The following MYOCD variants were observed in gnomAD, a reference collection of about 807,000 sequenced individuals.
MYOCD encodes the protein myocardin.
MYOCD carries 32 observed loss-of-function variants against 96.1 expected under a neutral mutation model. The ratio of observed to expected loss-of-function variants is 0.33; its 90% CI spans 0.25 to 0.45. The LOEUF (loss-of-function observed/expected upper bound fraction) is 0.45. Ranked by LOEUF, MYOCD falls within the 20% of genes least tolerant of loss-of-function variation. The probability of loss-of-function intolerance (pLI) is 1.00; values close to 1 mark genes in which losing one functional copy is unlikely to be tolerated. For synonymous variants in MYOCD, 469 were observed against 469.0 expected (o/e 1.00, Z 0.00); for missense variants, 1,133 against 1,200.6 (o/e 0.94, Z 0.83).
At chr17:12,711,718 G>T (rs1325893726) in intron 2 of MYOCD, among the ~76,000 whole-genome samples, 1 of 151,974 alleles carries the variant, frequency 6.6e-6, no homozygotes, top group African/African-American at 2.4e-5. Flanking sequence ...CAGTCCTGAT[G>T]ATTCATTGCT....
Position 12,717,365 on chromosome 17 carries a change from G to T in MYOCD, c.197G>T (p.Arg66Leu). The change falls in exon 4 of 14, where the codon CGC (arginine) becomes CTC (leucine). Residue 66 changes from arginine (R) to leucine (L), a missense_variant. Physicochemically the swap from Arg to Leu is moderately radical, Grantham distance 102 (BLOSUM62 -2). Coordinates refer to ENST00000425538, the MANE Select transcript of MYOCD (RefSeq NM_001146312.3). ...CTACAGGCTAAAAATTCCCTGAAGC[G>T]CAAAGCCAGAAACAGGTGCAACAGT... ...DSDKAKNSLK[R>L]KARNRCNSAD... The T allele has an allele frequency of 6.2e-7, 1 of 1,613,800 alleles. No homozygotes were observed. Among genetic ancestry groups the T allele is most frequent in the Non-Finnish European group, 8.5e-7 (1 of 1,179,846 alleles).
chr17:12,732,054 T>A (rs944598722), intron 5 of MYOCD, among the ~76,000 whole-genome samples: 1 of 152,196 alleles, frequency 6.6e-6, no homozygotes, highest in Non-Finnish European at 1.5e-5. Flanking sequence ...GCTGTCAGTA[T>A]GTTCTAACTT....
chr17:12,732,044 G>C (rs562606054), intron 5 of MYOCD, among the ~76,000 whole-genome samples: 75 of 152,340 alleles, frequency 4.9e-4, no homozygotes, highest in African/African-American at 1.8e-3. Context: ...CCTCAGTGCA[G>C]CTGTCAGTAT....
intron 1 of MYOCD, among the ~76,000 whole-genome samples, chr17:12,702,853 T>C (rs8081392): frequency 0.47 from 71,613 of 151,708 alleles, 18,793 homozygotes; most frequent in African/African-American, 0.72. Flanking sequence ...ATCTATGTGC[T>C]TTAAGAGCAT....
At position 12,753,060 on chromosome 17, in the gene MYOCD, G is replaced by C; in HGVS notation, c.1772G>C (p.Ser591Thr). 1.2e-6 allele frequency: 2 copies of C among 1,614,216 alleles called. No homozygotes were observed. The highest frequency in any genetic ancestry group is 1.7e-6 in the Non-Finnish European group (2 of 1,180,050). ...FASQVPVKRQ[S>T]SSSECHPPAC... ...TCCCAAGTACCTGTGAAAAGACAAA[G>C]CAGCAGCTCAGAGTGTCACCCACCG... The change falls in exon 10 of 14, where the codon AGC (serine) becomes ACC (threonine). Residue 591 changes from serine (S) to threonine (T), a missense_variant. Transcript: ENST00000425538.
rs55758881 is a variant in MYOCD at position 12,698,729 on chromosome 17, C to CTTTTT, written c.56-6374_56-6370dup. ...GAAATTTTGTCTCCTACCAGACCCTCTTTTTTTTTTTTTTTTTTTTTTTTT... is the reference window on the plus strand; with the variant it reads ...GAAATTTTGTCTCCTACCAGACCCTCTTTTTTTTTTTTTTTTTTTTTTTTTTTTTT... On this transcript the variant is annotated intron_variant, in intron 1 of 13. Coordinates refer to ENST00000425538, the MANE Select transcript of MYOCD (RefSeq NM_001146312.3). Among the ~76,000 whole-genome samples, 24 of 64,140 alleles carry CTTTTT rather than the reference C, an allele frequency of 3.7e-4. 2 individuals are homozygous for CTTTTT. The highest frequency in any genetic ancestry group is 8.9e-4 in the South Asian group (1 of 1,124). The allele number at this position is 64,140 out of a possible 152,430, so 42.1% of individuals were successfully genotyped here.
At chr17:12,759,950 C>T (rs1410785497) in intron 12 of MYOCD, among the ~76,000 whole-genome samples, 4 of 152,226 alleles carry the variant, frequency 2.6e-5, no homozygotes, top group African/African-American at 9.6e-5. Flanking sequence ...TTTTTCCCTT[C>T]TCCTGTTGTA....
At chr17:12,668,722 C>G (rs1329955735) in intron 1 of MYOCD, among the ~76,000 whole-genome samples, 1 of 151,694 alleles carries the variant, frequency 6.6e-6, no homozygotes, top group Non-Finnish European at 1.5e-5. Context: ...TGACCCTGAG[C>G]GTTAGGTAAA....
intron 1 of MYOCD, among the ~76,000 whole-genome samples, chr17:12,673,978 G>A (rs540683646): frequency 2.0e-5 from 3 of 152,226 alleles, no homozygotes; most frequent in Non-Finnish European, 4.4e-5. Context: ...CTTCCATGTG[G>A]TCTGCTATTT....
intron 13 of MYOCD, chr17:12,761,416 CA>C (rs1424121617): frequency 6.6e-6 from 1 of 151,228 alleles, no homozygotes; most frequent in East Asian, 2.0e-4. Flanking sequence ...TATGATCAGA[CA>C]AGATCCTGAT....
chr17:12,743,856 C>T (rs1454460649), intron 7 of MYOCD, among the ~76,000 whole-genome samples: 1 of 152,070 alleles, frequency 6.6e-6, no homozygotes, highest in Non-Finnish European at 1.5e-5. Flanking sequence ...GTTAGGTCAT[C>T]AGTTGGTTTT....
chr17:12,705,294 T>C, intron 2 of MYOCD, 101 bp downstream of exon 2: 6 of 722,744 alleles, frequency 8.3e-6, no homozygotes, highest in Non-Finnish European at 1.4e-5. Flanking sequence ...AATGCATTGG[T>C]CTCCGAAGAT....
chr17:12,672,499 C>T (rs1420100878), intron 1 of MYOCD, among the ~76,000 whole-genome samples: 1 of 152,146 alleles, frequency 6.6e-6, no homozygotes, highest in Non-Finnish European at 1.5e-5. Flanking sequence ...TTAGATAAAA[C>T]AGAAAGAGGT....
intron 1 of MYOCD, among the ~76,000 whole-genome samples, chr17:12,698,936 G>A (rs902340140): frequency 2.6e-5 from 4 of 151,364 alleles, no homozygotes; most frequent in Non-Finnish European, 4.4e-5. Context: ...TAAAGACGGG[G>A]TTTCACCGTG....
chr17:12,693,020 C>G (rs536655368), intron 1 of MYOCD, among the ~76,000 whole-genome samples: 1 of 152,292 alleles, frequency 6.6e-6, no homozygotes, highest in East Asian at 1.9e-4. Flanking sequence ...AACCTAGTTC[C>G]AGCCCCGAGC....
chr17:12,736,436 G>A (rs2032348756), intron 6 of MYOCD, 100 bp downstream of exon 6: 2 of 1,216,620 alleles, frequency 1.6e-6, no homozygotes, highest in Non-Finnish European at 2.3e-6. Flanking sequence ...GTTTTGCTTA[G>A]AGAATGCAGA....
intron 1 of MYOCD, among the ~76,000 whole-genome samples, chr17:12,700,515 G>A (rs914667527): frequency 3.5e-5 from 5 of 141,848 alleles, no homozygotes; most frequent in South Asian, 4.6e-4. Context: ...CTGGGTTCAC[G>A]CCATTCTCCT....
intron 9 of MYOCD, among the ~76,000 whole-genome samples, chr17:12,751,041 A>C (rs2032839774): frequency 6.6e-6 from 1 of 152,122 alleles, no homozygotes. Flanking sequence ...CAGAAGTTTT[A>C]AATTTTGTTT....
chr17:12,721,182 A>G (rs1480121454), intron 4 of MYOCD, among the ~76,000 whole-genome samples: 1 of 151,676 alleles, frequency 6.6e-6, no homozygotes, highest in Admixed American at 6.6e-5. Flanking sequence ...TATTTCTTCC[A>G]TCATTACGGT....
Sources: gnomAD v4.1 joint callset for allele counts (sites outside exome capture counted in the v4.1 genomes callset) on GRCh38, gnomAD v4.1.1 for gene constraint, MANE v1.5 for transcripts, NCBI Gene and HGNC (gene_info 2026-07-23, HGNC 2026-07-21) for gene names.